CSMD1: variants seen among roughly 807,000 people sequenced by gnomAD.
CSMD1 encodes the protein CUB and Sushi multiple domains 1.
CSMD1 carries 213 observed loss-of-function variants against 417.5 expected under a neutral mutation model. The ratio of observed to expected loss-of-function variants is 0.51; its 90% confidence interval spans 0.46 to 0.57. The LOEUF (loss-of-function observed/expected upper bound fraction) is 0.57, where lower values mean the gene tolerates loss of function less well. CSMD1 is among the 20% of genes least tolerant of loss of function. The pLI, the probability that CSMD1 is intolerant of heterozygous loss-of-function variation, is 0.00. For missense variants in CSMD1, 6,923 were observed against 4,529.7 expected (o/e 1.53, Z -15.17); for synonymous variants, 2,862 against 1,736.8 (o/e 1.65, Z -16.11).
At chr8:4,454,044 G>A (rs539644629) in intron 2 of CSMD1, among the ~76,000 whole-genome samples, 4 of 151,734 alleles carry the variant, frequency 2.6e-5, no homozygotes, top group African/African-American at 9.7e-5. Context: ...GGATGGTCTC[G>A]ATCTCCTGAC....
In CSMD1 at chr8:3,490,868, GAAAA is replaced by G. The variant is rs151289632; in HGVS notation, c.1448+2751_1448+2754del. Reference sequence around the variant, plus strand: ...AGGACTCTGTTTTTAAAAATAAAAAGAAAAAAATTTTTTTTTACCTAGTAATTTG... The same window carrying G: ...AGGACTCTGTTTTTAAAAATAAAAAGAAATTTTTTTTTACCTAGTAATTTG... On this transcript the variant is annotated intron_variant, in intron 11 of 69. Coordinates refer to ENST00000635120, the MANE Select transcript of CSMD1 (RefSeq NM_033225.6). 1.1e-3 allele frequency among the ~76,000 whole-genome samples: 166 copies of G among 151,968 alleles called. 1 individual carries two copies. The highest frequency in any genetic ancestry group is 3.5e-3 in the African/African-American group (143 of 41,422).
At chr8:4,627,943 C>G (rs1802219609) in intron 2 of CSMD1, among the ~76,000 whole-genome samples, 2 of 151,954 alleles carry the variant, frequency 1.3e-5, no homozygotes, top group African/African-American at 4.8e-5. Context: ...ATCAGCATCT[C>G]TAGATTATAC....
intron 5 of CSMD1, among the ~76,000 whole-genome samples, chr8:3,912,110 C>G (rs1462401495): frequency 2.0e-5 from 3 of 152,026 alleles, no homozygotes; most frequent in Non-Finnish European, 4.4e-5. Context: ...ACAGCTTGTC[C>G]AATTCTGAGA....
At chr8:3,011,557 A>G (rs887369927) in intron 52 of CSMD1, among the ~76,000 whole-genome samples, 1 of 152,212 alleles carries the variant, frequency 6.6e-6, no homozygotes, top group Non-Finnish European at 1.5e-5. Context: ...ATTATATTGC[A>G]TTTACAGAAC....
intron 1 of CSMD1, among the ~76,000 whole-genome samples, chr8:4,664,927 A>G (rs535758914): frequency 6.6e-6 from 1 of 152,312 alleles, no homozygotes; most frequent in South Asian, 2.1e-4. Flanking sequence ...TGCATTAGGA[A>G]TGTGTTTGGG....
chr8:4,782,004 C>T (rs533276844), intron 1 of CSMD1, among the ~76,000 whole-genome samples: 133 of 152,296 alleles, frequency 8.7e-4, no homozygotes, highest in African/African-American at 3.0e-3. Context: ...TCCACTCTTG[C>T]CTCTATTTAT....
intron 3 of CSMD1, among the ~76,000 whole-genome samples, chr8:4,362,002 C>A (rs1012139694): frequency 6.6e-6 from 1 of 151,606 alleles, no homozygotes; most frequent in South Asian, 2.1e-4. Context: ...AGTTTCCTAT[C>A]CTTAGATTAA....
chr8:3,802,155 A>G (rs1221310468), intron 5 of CSMD1, among the ~76,000 whole-genome samples: 2 of 152,176 alleles, frequency 1.3e-5, no homozygotes, highest in African/African-American at 2.4e-5. Context: ...GCAGCATTCA[A>G]AAAATAATTA....
chr8:4,481,407 G>C (rs927641360), intron 2 of CSMD1, among the ~76,000 whole-genome samples: 3 of 152,148 alleles, frequency 2.0e-5, no homozygotes, highest in East Asian at 1.9e-4. Context: ...GGAGACCTTG[G>C]ATCACAGTTG....
intron 3 of CSMD1, among the ~76,000 whole-genome samples, chr8:4,344,469 G>A (rs937472444): frequency 6.6e-6 from 1 of 151,804 alleles, no homozygotes; most frequent in Non-Finnish European, 1.5e-5. Flanking sequence ...TTTTACAAAT[G>A]TCTACCTCTA....
At chr8:4,587,418 T>A (rs1314307528) in intron 2 of CSMD1, among the ~76,000 whole-genome samples, 1 of 77,506 alleles carries the variant, frequency 1.3e-5, no homozygotes, top group East Asian at 3.5e-4. Context: ...TATGTATATG[T>A]ACATGTATAT....
chr8:3,439,309 A>ATATTTTTTTTT, intron 12 of CSMD1, among the ~76,000 whole-genome samples: 6 of 62,454 alleles, frequency 9.6e-5, no homozygotes, highest in East Asian at 1.1e-3. Context: ...ATATATATAT[A>ATATTTTTTTTT]TTTTTTTTTT....
intron 1 of CSMD1, among the ~76,000 whole-genome samples, chr8:4,932,997 CA>C (rs1377197498): frequency 6.6e-6 from 1 of 152,266 alleles, no homozygotes; most frequent in Admixed American, 6.5e-5. Flanking sequence ...AAGAAACTTA[CA>C]ATAAACATTT....
intron 5 of CSMD1, among the ~76,000 whole-genome samples, chr8:3,913,738 G>T (rs1808614548): frequency 6.6e-6 from 1 of 152,114 alleles, no homozygotes; most frequent in South Asian, 2.1e-4. Context: ...AGTGGGGAAG[G>T]AATGTGGGTC....
intron 2 of CSMD1, among the ~76,000 whole-genome samples, chr8:4,585,417 ATGAC>A (rs1208520959): frequency 6.6e-6 from 1 of 152,196 alleles, no homozygotes; most frequent in Non-Finnish European, 1.5e-5. Context: ...TAAATGAAGA[ATGAC>A]TGTCACAAAA....
rs151008798 is a variant in CSMD1 at position 3,555,006 on chromosome 8, G to C, written c.1344+19939C>G. Reference sequence around the variant, plus strand: ...AGAAGCAGGAAACACCACATAAGCTGAGGAGGAAGGGAAGAAGACTGTGCG... The same window carrying C: ...AGAAGCAGGAAACACCACATAAGCTCAGGAGGAAGGGAAGAAGACTGTGCG... On this transcript the variant is annotated intron_variant, in intron 10 of 69. Coordinates refer to ENST00000635120, the MANE Select transcript of CSMD1 (RefSeq NM_033225.6). Among the ~76,000 whole-genome samples the C allele has an allele frequency of 7.2e-5, 11 of 152,206 alleles. No homozygotes were observed. The East Asian group carries it at 1.6e-3, about 22-fold the overall frequency.
rs146898656 is a variant in CSMD1, at chr8:3,952,234, T to C, written c.818+45669A>G. 5.3e-3 allele frequency among the ~76,000 whole-genome samples: 801 copies of C among 152,234 alleles called. 8 individuals are homozygous for C. The highest frequency in any genetic ancestry group is 0.018 in the African/African-American group (734 of 41,544). On this transcript the variant is annotated intron_variant, in intron 5 of 69. Coordinates refer to ENST00000635120, the MANE Select transcript of CSMD1 (RefSeq NM_033225.6). ...TTTCATAATAAGAAGATTAAGATGG[T>C]ATGGGCCTTCCTCACTCTTATTCTC...
Position 3,550,591 on chromosome 8 carries a change from G to C in CSMD1, c.1344+24354C>G, listed in dbSNP as rs112999453. 3.8e-3 allele frequency among the ~76,000 whole-genome samples: 576 copies of C among 152,298 alleles called. 3 individuals carry two copies. Among genetic ancestry groups the C allele is most frequent in the African/African-American group, 0.013 (540 of 41,558 alleles). Reference sequence around the variant, plus strand: ...TATCTTATGGGTGCATCATCCCTAAGTTCCTTTCTCTGACCTCATCAGTCT... The same window carrying C: ...TATCTTATGGGTGCATCATCCCTAACTTCCTTTCTCTGACCTCATCAGTCT... On this transcript the variant is annotated intron_variant, in intron 10 of 69. Coordinates refer to ENST00000635120, the MANE Select transcript of CSMD1 (RefSeq NM_033225.6).
At chr8:3,465,102 G>A (rs553211426) in intron 12 of CSMD1, among the ~76,000 whole-genome samples, 13 of 152,204 alleles carry the variant, frequency 8.5e-5, no homozygotes, top group Admixed American at 3.3e-4. Context: ...TAGCAAGAGC[G>A]TTTGTTTCTG....
Sources: allele counts gnomAD v4.1 joint callset (sites outside exome capture counted in the v4.1 genomes callset), GRCh38; gene constraint gnomAD v4.1.1; transcripts MANE v1.5; gene names NCBI Gene and HGNC (gene_info 2026-07-23, HGNC 2026-07-21).